The following PHF24 variants were observed in gnomAD, a reference collection of about 807,000 sequenced individuals.
PHF24 encodes the protein Galpha inhibitory interacting protein.
A neutral mutation model predicts 42.6 loss-of-function variants in PHF24; 25 were observed. The observed-to-expected ratio is 0.59, with a 90% CI of 0.43 to 0.82. The LOEUF (loss-of-function observed/expected upper bound fraction) is 0.82, where lower values mean the gene tolerates loss of function less well. Among genes scored for constraint, PHF24 ranks in the 40% least tolerant of loss-of-function variants. The pLI is 0.00. For missense variants in PHF24, 470 were observed against 538.1 expected (o/e 0.87, Z 1.25); for synonymous variants, 185 against 204.8 (o/e 0.90, Z 0.83).
chr9:34,892,272 C>CA, the PHF24 span, among the ~76,000 whole-genome samples: 3 of 152,128 alleles, frequency 2.0e-5, no homozygotes, highest in African/African-American at 7.2e-5. Context: ...GTGGATCCTT[C>CA]AAAAACCCTG....
the PHF24 span, chr9:34,833,272 A>C: frequency 3.2e-6 from 5 of 1,551,092 alleles, no homozygotes; most frequent in South Asian, 3.6e-5. Flanking sequence ...CCTCTACCTG[A>C]ACACAAGGCA....
At chr9:34,773,637 G>T in the PHF24 span, among the ~76,000 whole-genome samples, 1 of 152,192 alleles carries the variant, frequency 6.6e-6, no homozygotes, top group African/African-American at 2.4e-5. Context: ...AAGTAAACGG[G>T]AGAGAAGAGT....
At chr9:34,807,692 A>G in the PHF24 span, among the ~76,000 whole-genome samples, 1 of 152,312 alleles carries the variant, frequency 6.6e-6, no homozygotes, top group African/African-American at 2.4e-5. Flanking sequence ...AGTGATAGGA[A>G]GCCATAAAGG....
At chr9:34,954,492 A>G (rs548372758), upstream of PHF24, among the ~76,000 whole-genome samples, 1 of 152,280 alleles carries the variant, frequency 6.6e-6, no homozygotes, top group South Asian at 2.1e-4. Context: ...TGGCCCCAAG[A>G]GATGTGTATT....
the PHF24 span, among the ~76,000 whole-genome samples, chr9:34,903,557 C>A: frequency 6.6e-6 from 1 of 152,300 alleles, no homozygotes; most frequent in Non-Finnish European, 1.5e-5. Context: ...CAGAGCTAAA[C>A]CCTATTTCAA....
the PHF24 span, among the ~76,000 whole-genome samples, chr9:34,684,001 G>A: frequency 6.6e-6 from 1 of 152,238 alleles, no homozygotes; most frequent in Non-Finnish European, 1.5e-5. Context: ...TGCTCTGGGA[G>A]TGGTTCTGGC....
chr9:34,758,721 C>A, the PHF24 span, among the ~76,000 whole-genome samples: 1 of 152,106 alleles, frequency 6.6e-6, no homozygotes. The surrounding 1 kb of genome is among the most constrained non-coding windows in gnomAD (Gnocchi z 4.4). Context: ...AGGCAGTACA[C>A]ATCTTGCTCT....
the PHF24 span, among the ~76,000 whole-genome samples, chr9:34,940,708 G>T: frequency 6.6e-6 from 1 of 152,326 alleles, no homozygotes; most frequent in East Asian, 1.9e-4. Flanking sequence ...CATGCCGTTG[G>T]TAATCACATC....
chr9:34,726,961 A>T, the PHF24 span: 2 of 1,550,048 alleles, frequency 1.3e-6, no homozygotes, highest in African/African-American at 2.7e-5. Context: ...TTCGCCGCAC[A>T]CTTCTCTCCA....
the PHF24 span, among the ~76,000 whole-genome samples, chr9:34,744,502 G>A: frequency 3.3e-5 from 5 of 152,296 alleles, no homozygotes; most frequent in South Asian, 1.0e-3. Context: ...ATGAGGAGGT[G>A]AATCACCACA....
chr9:34,865,780 C>T, the PHF24 span, among the ~76,000 whole-genome samples: 1 of 152,196 alleles, frequency 6.6e-6, no homozygotes, highest in African/African-American at 2.4e-5. Context: ...TGCTTCCAAG[C>T]TCACTCAGTG....
the PHF24 span, among the ~76,000 whole-genome samples, chr9:34,768,576 T>A: frequency 6.6e-6 from 1 of 152,146 alleles, no homozygotes; most frequent in Non-Finnish European, 1.5e-5. Context: ...TAGGATTAAA[T>A]GGGATGTTGT....
At chr9:34,704,636 A>G in the PHF24 span, among the ~76,000 whole-genome samples, 1 of 152,088 alleles carries the variant, frequency 6.6e-6, no homozygotes, top group South Asian at 2.1e-4. Flanking sequence ...GAGTTTTAAG[A>G]CCAGCCTGGG....
the PHF24 span, among the ~76,000 whole-genome samples, chr9:34,708,120 G>A: frequency 2.0e-5 from 3 of 152,000 alleles, no homozygotes; most frequent in Non-Finnish European, 2.9e-5. Context: ...TACTCTCCCC[G>A]CCTGGAGGTG....
intron 1 of PHF24, among the ~76,000 whole-genome samples, chr9:34,968,625 G>C (rs1469793695): frequency 6.6e-6 from 1 of 152,178 alleles, no homozygotes; most frequent in Non-Finnish European, 1.5e-5. Flanking sequence ...GTAGGAGTTC[G>C]CACCACTGTG....
At chr9:34,813,657 T>C in the PHF24 span, among the ~76,000 whole-genome samples, 1 of 152,248 alleles carries the variant, frequency 6.6e-6, no homozygotes, top group African/African-American at 2.4e-5. Flanking sequence ...CTGCAGTTCT[T>C]TGCCATGTGG....
chr9:34,675,718 C>A, the PHF24 span, among the ~76,000 whole-genome samples: 1 of 152,180 alleles, frequency 6.6e-6, no homozygotes, highest in South Asian at 2.1e-4. Context: ...GTTTGGGTCA[C>A]TCTGAACCTC....
At chr9:34,893,934 C>T in the PHF24 span, among the ~76,000 whole-genome samples, 1 of 152,282 alleles carries the variant, frequency 6.6e-6, no homozygotes, top group Non-Finnish European at 1.5e-5. Context: ...TGCTGATATA[C>T]TCAATATCTT....
chr9:34,920,907 T>TTA, the PHF24 span, among the ~76,000 whole-genome samples: 9 of 152,206 alleles, frequency 5.9e-5, no homozygotes, highest in Admixed American at 1.3e-4. Flanking sequence ...AGTGAAATCT[T>TTA]TAGGTTTTTG....
Sources: allele counts gnomAD v4.1 joint callset (sites outside exome capture counted in the v4.1 genomes callset), GRCh38; gene constraint gnomAD v4.1.1; non-coding constraint Gnocchi (gnomAD v3.1); transcripts MANE v1.5; gene names NCBI Gene and HGNC (gene_info 2026-07-23, HGNC 2026-07-21).